The following UNC5CL variants were observed in gnomAD, a reference collection of about 807,000 sequenced individuals.
The protein encoded by UNC5CL is UNC5C-like protein.
A neutral mutation model predicts 54.1 loss-of-function variants in UNC5CL; 42 were observed. That is an observed-to-expected ratio of 0.78 (90% CI 0.61 to 1.00). The LOEUF (loss-of-function observed/expected upper bound fraction) is 1.00, where lower values mean the gene tolerates loss of function less well. Ranked by LOEUF, UNC5CL falls within the 50% of genes least tolerant of loss-of-function variation. The pLI is 0.00. For missense variants in UNC5CL, 619 were observed against 675.6 expected, an observed-to-expected ratio of 0.92 and a Z score of 0.93; for synonymous variants, 285 against 285.1, an observed-to-expected ratio of 1.00 and a Z score of 0.00.
rs1762503861 is a variant in UNC5CL, at chr6:41,034,921, G to C, written c.154C>G (p.Pro52Ala). The C allele has an allele frequency of 6.2e-6, 10 of 1,614,186 alleles. No homozygotes were observed. The highest frequency in any genetic ancestry group is 5.1e-6 in the Non-Finnish European group (6 of 1,180,040). The part of the protein sequence containing the change: ...ACWTLNGQEE[P>A]VSQPTPQLEN... The stretch of plus-strand genomic sequence containing the variant: ...AGTTGGGGGGTAGGCTGGGACACTG[G>C]TTCCTCTTGACCATTCAGTGTCCAG... Residue 52 changes from proline to alanine, a missense_variant, in exon 2 of 9, where the codon CCA becomes GCA. Physicochemically the swap from Pro to Ala is conservative, Grantham distance 27. Transcript: ENST00000244565.
intron 6 of UNC5CL, 68 bp downstream of exon 6, chr6:41,031,613 C>G: frequency 6.6e-7 from 1 of 1,516,238 alleles, no homozygotes; most frequent in African/African-American, 1.4e-5. Context: ...GGCACCAGAC[C>G]CTGTGCCCAC....
Position 41,034,719 on chromosome 6 carries a change from T to C in UNC5CL, c.356A>G (p.Asp119Gly), listed in dbSNP as rs201949194. 3.9e-5 allele frequency: 62 copies of C among 1,605,608 alleles called. No individual in the cohort carries two copies. The East Asian group carries it at 1.3e-3, about 34-fold the overall frequency. Residue 119 changes from aspartate (D) to glycine (G), a missense_variant, in exon 2 of 9, where the codon GAT becomes GGT. Coordinates refer to ENST00000244565, the MANE Select transcript of UNC5CL (RefSeq NM_173561.3). ...TGGGATGAGCAAGGAGATGCCTGTA[T>C]CCTGGAGCATCAGGCAACCGCCGCG... Reference protein sequence around the residue: ...DHRGGCLMLQDTGISLLIPPG... With the variant: ...DHRGGCLMLQGTGISLLIPPG...
chr6:41,030,289 G>C, intron 8 of UNC5CL, 99 bp downstream of exon 8: 1 of 1,158,416 alleles, frequency 8.6e-7, no homozygotes, highest in African/African-American at 1.5e-5. Context: ...TGACTTTTAA[G>C]TCACTCCCTT....
chr6:41,030,556 G>C, intron 7 of UNC5CL, 55 bp from the exon 8 acceptor site: 6 of 1,609,832 alleles, frequency 3.7e-6, no homozygotes, highest in Admixed American at 1.7e-5. Flanking sequence ...ACCCACTCTG[G>C]TTCTCCCATA....
Position 41,034,253 on chromosome 6 carries a change from C to T in UNC5CL, c.386-72G>A, listed in dbSNP as rs1049334536. ...CCCCTGCCCCTGAAAGAGGCCAGGC[C>T]AGAGAGAAAGGAGGTGGGGCAGGAG... On this transcript the variant is annotated intron_variant, in intron 2 of 8. Transcript: ENST00000244565. 1.1e-5 allele frequency: 16 copies of T among 1,503,258 alleles called. No individual in the cohort carries two copies. In the South Asian group the frequency reaches 2.2e-4, roughly 20 times the overall value. 93.1% of individuals were successfully genotyped at this position (1,503,258 alleles called of 1,614,324 possible). A position where few individuals can be genotyped will look rare whatever the true frequency, so the allele number is the denominator to read the frequency against.
At chr6:41,034,658 T>TGTATGC (rs569530163) in intron 2 of UNC5CL, 32 bp downstream of exon 2, 13 of 1,590,168 alleles carry the variant, frequency 8.2e-6, no homozygotes, top group Non-Finnish European at 9.4e-6. Flanking sequence ...TCTGACCAAC[T>TGTATGC]GTATGCGGAG....
rs181516542 is a variant in UNC5CL at position 41,029,387 on chromosome 6, A to C, written c.1335-792T>G. Among the ~76,000 whole-genome samples, 1 of 152,312 alleles carries C rather than the reference A, an allele frequency of 6.6e-6. No individual in the cohort carries two copies. Among genetic ancestry groups the C allele is most frequent in the East Asian group, 1.9e-4 (1 of 5,188 alleles). On this transcript the variant is annotated intron_variant, in intron 8 of 8. Coordinates refer to ENST00000244565, the MANE Select transcript of UNC5CL (RefSeq NM_173561.3). This position sits in a 1 kb window ranked among gnomAD's most constrained non-coding sequence, Gnocchi z 4.1. ...GTCATAACGCCCGCAGTTCATTATT[A>C]TTCTTGCTTCAGCTGTTTTCTGTCT...
intron 1 of UNC5CL, 113 bp from the exon 2 acceptor site, chr6:41,035,248 T>C: frequency 1.4e-6 from 1 of 723,180 alleles, no homozygotes; most frequent in Non-Finnish European, 2.1e-6. Context: ...ACTGCACACT[T>C]TAGTCACACC....
chr6:41,030,639 G>A lies in UNC5CL; in HGVS notation c.1220+16C>T, dbSNP rs539739817. On this transcript the variant is annotated intron_variant, in intron 7 of 8. Coordinates refer to ENST00000244565, the MANE Select transcript of UNC5CL (RefSeq NM_173561.3). ...CAACATCCCCCAGGCAGCAGCCCAA[G>A]CAACCCCCGTCTCACCTATTGCATG... is the stretch of plus-strand genomic sequence containing the variant. The A allele has an allele frequency of 6.2e-7, 1 of 1,613,894 alleles. No homozygotes were observed. The highest frequency in any genetic ancestry group is 1.1e-5 in the South Asian group (1 of 91,078).
At position 41,028,173 on chromosome 6, in the gene UNC5CL, AC is replaced by A; in HGVS notation, c.*199del. 1.7e-6 allele frequency: 1 copy of A among 598,100 alleles called. No individual in the cohort carries two copies. Among genetic ancestry groups the A allele is most frequent in the Non-Finnish European group, 2.9e-6 (1 of 348,092 alleles). The allele number at this position is 598,100 out of a possible 1,614,324, so 37.0% of individuals were successfully genotyped here. ...TGCGCCCTCTGCCGGCCAGGAGGGG[AC>A]CCGCACGCGGGACAGCTCGCGGCCG... On this transcript the variant is annotated 3_prime_UTR_variant, in exon 9 of 9. Transcript: ENST00000244565. This position sits in a 1 kb window ranked among gnomAD's most constrained non-coding sequence, Gnocchi z 4.3.
chr6:41,031,474 C>T (rs1183979123), intron 6 of UNC5CL, among the ~76,000 whole-genome samples: 5 of 152,206 alleles, frequency 3.3e-5, no homozygotes, highest in Admixed American at 2.6e-4. Flanking sequence ...GATTCATCCA[C>T]CGATAGACAA....
At position 41,033,066 on chromosome 6, in the gene UNC5CL, A is replaced by G. The variant is rs1762475203; in HGVS notation, c.767T>C (p.Leu256Pro). ...TTGCAGATGGGACTGTCCTGGCACC[A>G]GCGGTGAGCAGAATACGGCCAGCTG... The part of the protein sequence containing the change: ...WLQLAVFCSP[L>P]VPGQSHLQLR... Residue 256 changes from leucine to proline, a missense_variant, in exon 4 of 9, where the codon CTG becomes CCG. Coordinates refer to ENST00000244565, the MANE Select transcript of UNC5CL (RefSeq NM_173561.3). 1.2e-6 allele frequency: 2 copies of G among 1,613,168 alleles called. No individual in the cohort carries two copies. Among genetic ancestry groups the G allele is most frequent in the South Asian group, 1.1e-5 (1 of 90,820 alleles).
intron 7 of UNC5CL, 33 bp from the exon 8 acceptor site, chr6:41,030,534 A>G (rs1762442187): frequency 6.2e-7 from 1 of 1,613,124 alleles, no homozygotes; most frequent in Non-Finnish European, 8.5e-7. Flanking sequence ...CTTGGAAGAA[A>G]GGGACAAACA....
rs919642266 is a variant in UNC5CL at position 41,034,142 on chromosome 6, A to G, written c.425T>C (p.Ile142Thr). Residue 142 changes from isoleucine (I) to threonine (T), a missense_variant, in exon 3 of 9, where the codon ATC becomes ACC. Coordinates refer to ENST00000244565, the MANE Select transcript of UNC5CL (RefSeq NM_173561.3). ...GGCGTCCGACAGGTCCCACACCAGG[A>G]TCAAAGACACCCGCTCCTGGCGGCC... ...AVGRQERVSL[I>T]LVWDLSDAPS... 5 of 1,612,446 alleles carry G rather than the reference A, an allele frequency of 3.1e-6. No individual in the cohort carries two copies. The Admixed American group carries it at 6.7e-5, about 22-fold the overall frequency.
At chr6:41,032,378 C>T (rs1226577413) in intron 4 of UNC5CL, among the ~76,000 whole-genome samples, 1 of 152,266 alleles carries the variant, frequency 6.6e-6, no homozygotes, top group East Asian at 1.9e-4. Context: ...TCACCCTGTC[C>T]AAGGAGTGAG....
At position 41,028,721 on chromosome 6, in the gene UNC5CL, T is replaced by A; in HGVS notation, c.1335-126A>T. Reference sequence around the variant, plus strand: ...CCCCATCCTGTAGCTTTTGTCCTTGTCCTGCTCTTGCCTGCCTTCCAGGGC... The same window carrying A: ...CCCCATCCTGTAGCTTTTGTCCTTGACCTGCTCTTGCCTGCCTTCCAGGGC... On this transcript the variant is annotated intron_variant, in intron 8 of 8. Coordinates refer to ENST00000244565, the MANE Select transcript of UNC5CL (RefSeq NM_173561.3). The surrounding 1 kb of genome is among the most constrained non-coding windows in gnomAD (Gnocchi z 4.3). 2.2e-6 allele frequency: 2 copies of A among 903,124 alleles called. No individual in the cohort carries two copies. Among genetic ancestry groups the A allele is most frequent in the Non-Finnish European group, 3.3e-6 (2 of 609,522 alleles). 55.9% of individuals were successfully genotyped at this position (903,124 alleles called of 1,614,324 possible). A position where few individuals can be genotyped will look rare whatever the true frequency, so the allele number is the denominator to read the frequency against.
At position 41,031,708 on chromosome 6, in the gene UNC5CL, G is replaced by A; in HGVS notation, c.1092C>T (p.Ile364=). 6.2e-7 allele frequency: 1 copy of A among 1,614,216 alleles called. No homozygotes were observed. Among genetic ancestry groups the A allele is most frequent in the Non-Finnish European group, 8.5e-7 (1 of 1,180,038 alleles). Residue 364 remains isoleucine, a synonymous_variant, in exon 6 of 9, where the codon ATC becomes ATT. Coordinates refer to ENST00000244565, the MANE Select transcript of UNC5CL (RefSeq NM_173561.3). The part of the protein sequence containing the change: ...NEDCSALTNE[I]IVTMHTFQDG... ...CCTGGAAGGTGTGCATGGTGACAATGATCTCATTGGTTAGTGCTGAACAGT... is the reference window on the plus strand; with the variant it reads ...CCTGGAAGGTGTGCATGGTGACAATAATCTCATTGGTTAGTGCTGAACAGT...
rs754169177 is a variant in UNC5CL, at chr6:41,034,073, G to T, written c.494C>A (p.Ala165Glu). ...QAQGLVSPVV[A>E]CGPHGASFLK... ...GAAGGAGGCCCCATGGGGGCCACAT[G>T]CCACCACAGGGCTTACCAGCCCCTG... is the stretch of plus-strand genomic sequence containing the variant. The change falls in exon 3 of 9, where the codon GCA becomes GAA. Residue 165 changes from alanine to glutamate, a missense_variant. Transcript: ENST00000244565. 6.2e-7 allele frequency: 1 copy of T among 1,614,174 alleles called. No individual in the cohort carries two copies. Among genetic ancestry groups the T allele is most frequent in the Non-Finnish European group, 8.5e-7 (1 of 1,180,010 alleles).
chr6:41,033,244 G>T, intron 3 of UNC5CL, 98 bp from the exon 4 acceptor site: 5 of 1,440,568 alleles, frequency 3.5e-6, no homozygotes, highest in South Asian at 2.8e-5. Context: ...CCTCTGTGGG[G>T]CCTTCAAGGA....
Sources: gnomAD v4.1 joint callset for allele counts (sites outside exome capture counted in the v4.1 genomes callset) on GRCh38, gnomAD v4.1.1 for gene constraint, Gnocchi (gnomAD v3.1) non-coding constraint, MANE v1.5 for transcripts, NCBI Gene and HGNC (gene_info 2026-07-23, HGNC 2026-07-21) for gene names.